Variants in PSMB5 observed in about 807,000 individuals in gnomAD.
PSMB5 encodes proteasome 20S subunit beta 5.
A neutral mutation model predicts 22.8 loss-of-function variants in PSMB5; 2 were observed. The observed-to-expected ratio is 0.09, with a 90% CI of 0.04 to 0.28. The LOEUF (loss-of-function observed/expected upper bound fraction) is 0.28. PSMB5 is among the 10% of genes least tolerant of loss of function. The pLI, the probability that PSMB5 is intolerant of heterozygous loss-of-function variation, is 1.00. For synonymous variants in PSMB5, 133 were observed against 135.3 expected (o/e 0.98, Z 0.12); for missense variants, 269 against 343.8 (o/e 0.78, Z 1.72).
rs545044921 is a variant in PSMB5, at chr14:23,032,786, G to A, written c.505+582C>T. ...GCTAATTTTTTGTATTTTTGGTAGA[G>A]ACGGGGTTTCACCTTGTTAGCCAGG... On this transcript the variant is annotated intron_variant, in intron 2 of 2. Coordinates refer to ENST00000361611, the MANE Select transcript of PSMB5 (RefSeq NM_002797.5). Among the ~76,000 whole-genome samples, 9 of 150,638 alleles carry A rather than the reference G, an allele frequency of 6.0e-5. No individual in the cohort carries two copies. The East Asian group carries it at 1.6e-3, about 27-fold the overall frequency.
chr14:23,034,811 C>T lies in PSMB5; in HGVS notation c.71G>A (p.Arg24His), dbSNP rs748049628. The change falls in exon 1 of 3, where the codon CGT (arginine) becomes CAT (histidine). Residue 24 changes from arginine (R) to histidine (H), a missense_variant. By Grantham distance (29) the Arg-to-His change is conservative. Transcript: ENST00000361611. ...TGGACCTAGATCCAGCAGATCTGCA[C>T]GACCCCCAAGTCCGAAAAACCCGCG... ...NQRGFFGLGG[R>H]ADLLDLGPGS... 1 of 1,614,210 alleles carries T rather than the reference C, an allele frequency of 6.2e-7. No homozygotes were observed. Among genetic ancestry groups the T allele is most frequent in the Non-Finnish European group, 8.5e-7 (1 of 1,180,038 alleles).
chr14:23,027,984 A>G (rs1470693488), intron 2 of PSMB5, among the ~76,000 whole-genome samples: 1 of 152,102 alleles, frequency 6.6e-6, no homozygotes, highest in Admixed American at 6.5e-5. Flanking sequence ...TCTCTACTAA[A>G]AATACAAAAT....
intron 2 of PSMB5, among the ~76,000 whole-genome samples, chr14:23,027,329 C>A (rs1004812427): frequency 6.8e-6 from 1 of 146,680 alleles, no homozygotes; most frequent in East Asian, 2.0e-4. Flanking sequence ...TGCGGTGAGC[C>A]GAGATCGCGC....
chr14:23,035,001 T>C, upstream of PSMB5: 3 of 1,440,718 alleles, frequency 2.1e-6, no homozygotes, highest in Non-Finnish European at 2.7e-6. Context: ...CCATTTTGAC[T>C]GCTGGCAAGC....
chr14:23,030,865 C>T (rs2046948113), intron 2 of PSMB5, among the ~76,000 whole-genome samples: 1 of 152,082 alleles, frequency 6.6e-6, no homozygotes, highest in South Asian at 2.1e-4. Context: ...GTGGAGGTTG[C>T]AATGAACTGA....
upstream of PSMB5, chr14:23,035,106 A>G (rs1462686944): frequency 2.7e-5 from 22 of 804,474 alleles, no homozygotes; most frequent in Non-Finnish European, 3.3e-5. Context: ...TTCTAAAAGG[A>G]CGTACCTGCC....
At chr14:23,033,243 G>T in intron 2 of PSMB5, 125 bp downstream of exon 2, 1 of 1,007,030 alleles carries the variant, frequency 9.9e-7, no homozygotes, top group Non-Finnish European at 1.4e-6. Flanking sequence ...AAAGAGAGAA[G>T]GAAGGGCTAA....
Position 23,034,836 on chromosome 14 carries a change from G to C in PSMB5, c.46C>G (p.Arg16Gly). 2 of 1,614,204 alleles carry C rather than the reference G, an allele frequency of 1.2e-6. No homozygotes were observed. The highest frequency in any genetic ancestry group is 1.7e-6 in the Non-Finnish European group (2 of 1,180,034). ...VLERPLPVNQ[R>G]GFFGLGGRAD... ...CGACCCCCAAGTCCGAAAAACCCGCGCTGGTTCACCGGTAGCGGTCTCTCC... is the reference window on the plus strand; with the variant it reads ...CGACCCCCAAGTCCGAAAAACCCGCCCTGGTTCACCGGTAGCGGTCTCTCC... The change falls in exon 1 of 3, where the codon CGC (arginine) becomes GGC (glycine). Residue 16 changes from arginine (R) to glycine (G), a missense_variant. Coordinates refer to ENST00000361611, the MANE Select transcript of PSMB5 (RefSeq NM_002797.5).
Position 23,026,311 on chromosome 14 carries a change from G to A in PSMB5, c.570C>T (p.Gly190=), listed in dbSNP as rs1480270975. The change falls in exon 3 of 3, where the codon GGC becomes GGT. Residue 190 remains glycine (G), a synonymous_variant. Transcript: ENST00000361611. ...CCATGACCCCATATGCATACACAGAGCCAGAACCTACAGAGAAGGTGGCCC... is the reference window on the plus strand; with the variant it reads ...CCATGACCCCATATGCATACACAGAACCAGAACCTACAGAGAAGGTGGCCC... The part of the protein sequence containing the change: ...ISGATFSVGS[G]SVYAYGVMDR... 6 of 1,614,006 alleles carry A rather than the reference G, an allele frequency of 3.7e-6. No individual in the cohort carries two copies. The highest frequency in any genetic ancestry group is 5.1e-6 in the Non-Finnish European group (6 of 1,180,000).
rs775245870 is a variant in PSMB5, at chr14:23,026,104, A to G, written c.777T>C (p.Ser259=). 5.2e-5 allele frequency: 84 copies of G among 1,614,048 alleles called. No homozygotes were observed. The highest frequency in any genetic ancestry group is 2.8e-4 in the Admixed American group (17 of 59,998). ...CCACCCTCTTTCAGGGGGTAGAGCC[A>G]CTATACTTCTCATGTAGATCAGCCA... ...DNVADLHEKY[S]GSTP is the part of the protein sequence containing the mutation. Residue 259 remains serine, a synonymous_variant, in exon 3 of 3, where the codon AGT becomes AGC. Transcript: ENST00000361611.
At chr14:23,031,777 C>G (rs902686731) in intron 2 of PSMB5, among the ~76,000 whole-genome samples, 11 of 152,082 alleles carry the variant, frequency 7.2e-5, no homozygotes, top group Admixed American at 6.6e-4. Context: ...GTGATTATAA[C>G]CAGCAAAGAA....
intron 2 of PSMB5, among the ~76,000 whole-genome samples, chr14:23,032,156 G>A (rs2046957269): frequency 6.6e-6 from 1 of 152,016 alleles, no homozygotes; most frequent in African/African-American, 2.4e-5. Context: ...AAGAAAAAAA[G>A]AGAAGAGGCC....
intron 2 of PSMB5, chr14:23,027,840 T>A (rs916020460): frequency 6.5e-7 from 1 of 1,539,492 alleles, no homozygotes; most frequent in East Asian, 2.5e-5. Flanking sequence ...CTGTGAAAGA[T>A]AACATTTAAA....
At chr14:23,028,979 A>C (rs968604017) in intron 2 of PSMB5, among the ~76,000 whole-genome samples, 1 of 152,182 alleles carries the variant, frequency 6.6e-6, no homozygotes, top group African/African-American at 2.4e-5. Context: ...AATTCTGCCA[A>C]TAGCATCACT....
intron 1 of PSMB5, chr14:23,034,430 G>T: frequency 2.2e-6 from 1 of 452,212 alleles, no homozygotes; most frequent in South Asian, 3.0e-5. Context: ...ACCTGGGGTC[G>T]CCTAGGAATC....
At chr14:23,027,698 G>A in intron 2 of PSMB5, 1 of 1,356,958 alleles carries the variant, frequency 7.4e-7, no homozygotes, top group Non-Finnish European at 1.0e-6. Context: ...AAGACTCCAG[G>A]ATTCTACAAC....
chr14:23,030,491 TAA>T (rs748552372), intron 2 of PSMB5, among the ~76,000 whole-genome samples: 5 of 132,312 alleles, frequency 3.8e-5, no homozygotes, highest in Admixed American at 7.4e-5. Flanking sequence ...TCCGTCTCAA[TAA>T]AAAAAAAAAA....
At chr14:23,028,518 T>A (rs1222662000) in intron 2 of PSMB5, among the ~76,000 whole-genome samples, 1 of 152,244 alleles carries the variant, frequency 6.6e-6, no homozygotes, top group African/African-American at 2.4e-5. Flanking sequence ...TAATTTTTTT[T>A]AATTTTAAAA....
At position 23,031,843 on chromosome 14, in the gene PSMB5, C is replaced by T. The variant is rs555373168; in HGVS notation, c.505+1525G>A. 3.9e-5 allele frequency among the ~76,000 whole-genome samples: 6 copies of T among 152,334 alleles called. No individual in the cohort carries two copies. The East Asian group carries it at 1.2e-3, about 29-fold the overall frequency. On this transcript the variant is annotated intron_variant, in intron 2 of 2. Transcript: ENST00000361611. The stretch of plus-strand genomic sequence containing the variant: ...ATGGCTCACTCCTGTAATCTCAACA[C>T]TTTGGCAGGCTGAGGTGGGCAGATC...
Sources: allele counts gnomAD v4.1 joint callset (sites outside exome capture counted in the v4.1 genomes callset), GRCh38; gene constraint gnomAD v4.1.1; transcripts MANE v1.5; gene names NCBI Gene and HGNC (gene_info 2026-07-23, HGNC 2026-07-21).